CPQ: variants seen among roughly 807,000 people sequenced by gnomAD.
The protein encoded by CPQ is Ser-Met dipeptidase.
In CPQ, 37 loss-of-function variants were observed where a neutral mutation model predicts 45.7. That is an observed-to-expected ratio of 0.81 (90% CI 0.62 to 1.07). The LOEUF (loss-of-function observed/expected upper bound fraction) is 1.07, where lower values mean the gene tolerates loss of function less well. CPQ is among the 50% of genes least tolerant of loss of function. CPQ has a pLI of 0.00. For synonymous variants in CPQ, 186 were observed against 205.8 expected, an observed-to-expected ratio of 0.90 and a Z score of 0.82; for missense variants, 537 against 572.9, an observed-to-expected ratio of 0.94 and a Z score of 0.64.
chr8:96,741,471 T>C (rs1810091129), intron 1 of CPQ, among the ~76,000 whole-genome samples: 1 of 152,226 alleles, frequency 6.6e-6, no homozygotes. Context: ...TGTCTCTATT[T>C]CCTTCAGTTC....
chr8:96,984,817 A>T (rs1299665557), intron 5 of CPQ, among the ~76,000 whole-genome samples: 1 of 152,212 alleles, frequency 6.6e-6, no homozygotes. Context: ...GATGAGCTTC[A>T]TCAGTTCCTG....
At chr8:96,833,004 G>A (rs1477436507) in intron 2 of CPQ, among the ~76,000 whole-genome samples, 2 of 152,088 alleles carry the variant, frequency 1.3e-5, no homozygotes, top group Non-Finnish European at 2.9e-5. Context: ...GAGAGGTAAT[G>A]AGGGCCTGCT....
intron 7 of CPQ, among the ~76,000 whole-genome samples, chr8:97,115,667 C>A (rs1811574963): frequency 6.6e-6 from 1 of 152,284 alleles, no homozygotes; most frequent in South Asian, 2.1e-4. Flanking sequence ...GCTGTATGTA[C>A]CTGATGGGTA....
intron 5 of CPQ, among the ~76,000 whole-genome samples, chr8:96,988,399 T>C (rs1436718407): frequency 2.0e-5 from 3 of 152,216 alleles, no homozygotes; most frequent in Non-Finnish European, 1.5e-5. Flanking sequence ...GGAGTTTTTA[T>C]TTTGTTTTCT....
chr8:97,007,430 A>T (rs1265213189), intron 5 of CPQ, among the ~76,000 whole-genome samples: 1 of 152,072 alleles, frequency 6.6e-6, no homozygotes, highest in Non-Finnish European at 1.5e-5. Flanking sequence ...TTCCCTCCTG[A>T]CTCATATTTT....
intron 4 of CPQ, among the ~76,000 whole-genome samples, chr8:96,920,229 A>T (rs994026389): frequency 6.6e-6 from 1 of 152,140 alleles, no homozygotes; most frequent in East Asian, 1.9e-4. Context: ...GGCACAGACA[A>T]TTCAGCCATC....
chr8:96,843,318 T>C (rs1015030565), intron 3 of CPQ, among the ~76,000 whole-genome samples: 2 of 151,810 alleles, frequency 1.3e-5, no homozygotes, highest in Non-Finnish European at 2.9e-5. Flanking sequence ...CTGGACATAG[T>C]TATTGAATGA....
chr8:96,990,510 C>A (rs1009894580), intron 5 of CPQ, among the ~76,000 whole-genome samples: 2 of 152,164 alleles, frequency 1.3e-5, no homozygotes, highest in African/African-American at 4.8e-5. Context: ...AAAGAAGGGA[C>A]AGGGATGCCT....
intron 7 of CPQ, among the ~76,000 whole-genome samples, chr8:97,105,385 T>C (rs1418042126): frequency 6.6e-6 from 1 of 152,220 alleles, no homozygotes; most frequent in African/African-American, 2.4e-5. Flanking sequence ...TTGTAGCATG[T>C]GTCAGAATTT....
intron 2 of CPQ, among the ~76,000 whole-genome samples, chr8:96,801,543 TTTC>T (rs1177222045): frequency 3.1e-4 from 47 of 152,194 alleles, no homozygotes; most frequent in Non-Finnish European, 1.6e-4. Context: ...TTGCCATTGT[TTTC>T]TTCTTCATTT....
At chr8:96,894,575 TATATC>T (rs1812419901) in intron 4 of CPQ, among the ~76,000 whole-genome samples, 1 of 152,122 alleles carries the variant, frequency 6.6e-6, no homozygotes, top group Non-Finnish European at 1.5e-5. Flanking sequence ...AGAAATGTAA[TATATC>T]ATAATATAAC....
chr8:97,029,949 C>A (rs891896961), intron 6 of CPQ, among the ~76,000 whole-genome samples: 11 of 152,170 alleles, frequency 7.2e-5, no homozygotes, highest in Admixed American at 5.2e-4. Context: ...GAAATGGCAG[C>A]AGCCACAGGC....
chr8:96,728,337 C>G (rs1475567973), intron 1 of CPQ, among the ~76,000 whole-genome samples: 1 of 152,010 alleles, frequency 6.6e-6, no homozygotes, highest in Non-Finnish European at 1.5e-5. Context: ...GGCTCTCAAA[C>G]TTATTTGCAG....
intron 7 of CPQ, among the ~76,000 whole-genome samples, chr8:97,091,147 C>T (rs1346513889): frequency 1.3e-5 from 2 of 152,104 alleles, no homozygotes; most frequent in African/African-American, 4.8e-5. Context: ...AGACTGGGCG[C>T]TGTTGGGAAG....
chr8:96,789,671 G>A (rs753472631), intron 2 of CPQ, among the ~76,000 whole-genome samples: 3 of 152,156 alleles, frequency 2.0e-5, no homozygotes, highest in East Asian at 1.9e-4. Flanking sequence ...GAGAGGGTGC[G>A]GCCTTGAGCA....
rs189645550 is a variant in CPQ, at chr8:96,953,155, A to G, written c.850-12780A>G. ...AGAAAACAATACTAATATCACAGGA[A>G]AACATTAAGAGTTTCTTCTCTCTGA... On this transcript the variant is annotated intron_variant, in intron 4 of 7. Transcript: ENST00000220763. 1.1e-4 allele frequency among the ~76,000 whole-genome samples: 16 copies of G among 152,234 alleles called. No individual in the cohort carries two copies. The East Asian group carries it at 3.1e-3, about 29-fold the overall frequency.
chr8:97,041,076 G>C (rs1423950774), intron 6 of CPQ, among the ~76,000 whole-genome samples: 1 of 152,216 alleles, frequency 6.6e-6, no homozygotes, highest in African/African-American at 2.4e-5. Context: ...GCCTTGGGCA[G>C]TATGGACATT....
intron 7 of CPQ, among the ~76,000 whole-genome samples, chr8:97,108,932 T>C (rs1811453911): frequency 6.6e-6 from 1 of 152,146 alleles, no homozygotes. Context: ...CCTTAGTGAC[T>C]CCAACGTCCA....
At chr8:96,734,568 G>A (rs1305338718) in intron 1 of CPQ, among the ~76,000 whole-genome samples, 1 of 151,904 alleles carries the variant, frequency 6.6e-6, no homozygotes, top group African/African-American at 2.4e-5. Context: ...AAAATTAGCT[G>A]GGCGTGGTGG....
Sources: allele counts gnomAD v4.1 joint callset (sites outside exome capture counted in the v4.1 genomes callset), GRCh38; gene constraint gnomAD v4.1.1; transcripts MANE v1.5; gene names NCBI Gene and HGNC (gene_info 2026-07-23, HGNC 2026-07-21).